Variants in LTBP1 observed in about 807,000 individuals in gnomAD.
The protein encoded by LTBP1 is latent transforming growth factor beta binding protein 1, also known as latent-transforming growth factor beta-binding protein 1.
LTBP1 carries 129 observed loss-of-function variants against 207.6 expected under a neutral mutation model. That is an observed-to-expected ratio of 0.62 (90% CI 0.54 to 0.72). LTBP1 has a LOEUF of 0.72. Among genes scored for constraint, LTBP1 ranks in the 30% least tolerant of loss-of-function variants. The probability of loss-of-function intolerance (pLI) is 0.00; values close to 1 mark genes in which losing one functional copy is unlikely to be tolerated. For missense variants in LTBP1, 2,281 were observed against 2,217.2 expected (o/e 1.03, Z -0.58); for synonymous variants, 963 against 833.7 (o/e 1.16, Z -2.67).
Position 33,397,114 on chromosome 2 carries a change from T to C in LTBP1, c.4835-19T>C. On this transcript the variant is annotated intron_variant, in intron 32 of 33. Coordinates refer to ENST00000404816, the MANE Select transcript of LTBP1 (RefSeq NM_206943.4). Reference sequence around the variant, plus strand: ...GAAGTTGAGAAGCTCTAACTTAGCTTCTGCCCTTTCCTTTCCAGGTTTTCT... The same window carrying C: ...GAAGTTGAGAAGCTCTAACTTAGCTCCTGCCCTTTCCTTTCCAGGTTTTCT... 1 of 1,611,282 alleles carries C rather than the reference T, an allele frequency of 6.2e-7. No homozygotes were observed. Among genetic ancestry groups the C allele is most frequent in the Non-Finnish European group, 8.5e-7 (1 of 1,178,130 alleles).
intron 4 of LTBP1, among the ~76,000 whole-genome samples, chr2:33,111,127 T>G (rs1205532162): frequency 6.6e-6 from 1 of 152,204 alleles, no homozygotes; most frequent in Non-Finnish European, 1.5e-5. Context: ...ACGTCTGAAA[T>G]GTCCTGCATA....
chr2:33,081,137 C>T (rs2078370440), intron 3 of LTBP1, among the ~76,000 whole-genome samples: 1 of 151,984 alleles, frequency 6.6e-6, no homozygotes, highest in Non-Finnish European at 1.5e-5. Flanking sequence ...AGCAAAGCCC[C>T]TTTGTTCAGT....
At chr2:33,312,415 T>C (rs1262732912) in intron 23 of LTBP1, among the ~76,000 whole-genome samples, 1 of 152,202 alleles carries the variant, frequency 6.6e-6, no homozygotes, top group Non-Finnish European at 1.5e-5. Context: ...GGAAATTCCA[T>C]GTTAATAGTC....
At chr2:33,037,168 C>G (rs975380700) in intron 3 of LTBP1, among the ~76,000 whole-genome samples, 1 of 147,228 alleles carries the variant, frequency 6.8e-6, no homozygotes, top group African/African-American at 2.5e-5. Context: ...CCCCCTGTCC[C>G]TCTCATAAAA....
At chr2:32,967,425 T>A (rs1012990076) in intron 2 of LTBP1, among the ~76,000 whole-genome samples, 1 of 152,140 alleles carries the variant, frequency 6.6e-6, no homozygotes, top group Non-Finnish European at 1.5e-5. Flanking sequence ...TAATTTTAGA[T>A]CTTTCTTATT....
intron 24 of LTBP1, among the ~76,000 whole-genome samples, chr2:33,318,332 C>T (rs901216675): frequency 1.3e-5 from 2 of 152,090 alleles, no homozygotes; most frequent in Admixed American, 1.3e-4. Flanking sequence ...GGTGGGTGGG[C>T]AGCTATTTGT....
At chr2:33,347,649 A>T (rs952363682) in intron 26 of LTBP1, 139 bp downstream of exon 26, 9 of 1,008,868 alleles carry the variant, frequency 8.9e-6, no homozygotes, top group Non-Finnish European at 1.3e-5. Flanking sequence ...GGAAGCTTCC[A>T]TGATCTTCTG....
At chr2:32,981,383 G>T (rs532430901) in intron 2 of LTBP1, among the ~76,000 whole-genome samples, 1 of 152,254 alleles carries the variant, frequency 6.6e-6, no homozygotes, top group East Asian at 1.9e-4. Context: ...CCAGTAAATT[G>T]TATTTCTATG....
chr2:32,994,841 A>G (rs1269259218), intron 2 of LTBP1, among the ~76,000 whole-genome samples: 1 of 152,216 alleles, frequency 6.6e-6, no homozygotes, highest in Non-Finnish European at 1.5e-5. Flanking sequence ...TTCTCAGGCT[A>G]CATCCCAAAC....
intron 22 of LTBP1, among the ~76,000 whole-genome samples, chr2:33,302,262 C>G (rs1469424008): frequency 6.6e-6 from 1 of 152,174 alleles, no homozygotes; most frequent in Non-Finnish European, 1.5e-5. Context: ...TCTCTGCATT[C>G]ATTGTCCACC....
chr2:33,103,054 T>G (rs1433919326), intron 3 of LTBP1, among the ~76,000 whole-genome samples: 1 of 152,164 alleles, frequency 6.6e-6, no homozygotes, highest in Non-Finnish European at 1.5e-5. Flanking sequence ...GTATGTTGTA[T>G]GCACTGTCTG....
intron 10 of LTBP1, 76 bp downstream of exon 10, chr2:33,243,860 A>G (rs1187273416): frequency 1.2e-5 from 19 of 1,522,902 alleles, no homozygotes; most frequent in Non-Finnish European, 9.0e-6. Flanking sequence ...GGAAATACTC[A>G]GTGGCCAACT....
intron 19 of LTBP1, among the ~76,000 whole-genome samples, chr2:33,280,937 G>A (rs758016224): frequency 6.6e-6 from 1 of 152,062 alleles, no homozygotes; most frequent in African/African-American, 2.4e-5. Flanking sequence ...GGGCTTCGTG[G>A]GGTGTGTGCC....
At chr2:33,377,578 T>C (rs2095156440) in intron 31 of LTBP1, among the ~76,000 whole-genome samples, 1 of 152,238 alleles carries the variant, frequency 6.6e-6, no homozygotes, top group Non-Finnish European at 1.5e-5. Context: ...AATTTCATTA[T>C]GATAATAATC....
At chr2:33,352,354 A>T (rs959565493) in intron 26 of LTBP1, among the ~76,000 whole-genome samples, 1 of 151,716 alleles carries the variant, frequency 6.6e-6, no homozygotes, top group Non-Finnish European at 1.5e-5. Flanking sequence ...CTGATCTCGA[A>T]CTCCTGACCT....
chr2:33,398,676 C>A lies in LTBP1; in HGVS notation c.*131C>A. On this transcript the variant is annotated 3_prime_UTR_variant, in exon 34 of 34. Transcript: ENST00000404816. ...ACAGAAACAGCATGGAATTGCAAGT[C>A]CTCTGAAGACAATGAGAGGATTTAG... 1 of 810,570 alleles carries A rather than the reference C, an allele frequency of 1.2e-6. No individual in the cohort carries two copies. Among genetic ancestry groups the A allele is most frequent in the Non-Finnish European group, 1.9e-6 (1 of 538,594 alleles). 50.2% of individuals were successfully genotyped at this position (810,570 alleles called of 1,614,324 possible).
At chr2:33,350,989 T>C (rs1193979733) in intron 26 of LTBP1, among the ~76,000 whole-genome samples, 1 of 152,132 alleles carries the variant, frequency 6.6e-6, no homozygotes, top group Non-Finnish European at 1.5e-5. Flanking sequence ...GAAAAATATA[T>C]ATATATTATA....
intron 13 of LTBP1, among the ~76,000 whole-genome samples, chr2:33,261,073 C>T (rs2092996595): frequency 6.6e-6 from 1 of 152,096 alleles, no homozygotes; most frequent in Non-Finnish European, 1.5e-5. Flanking sequence ...GAGGGGACAG[C>T]AAGGGTCATG....
At position 33,241,346 on chromosome 2, in the gene LTBP1, G is replaced by C. The variant is rs571195667; in HGVS notation, c.1877-2316G>C. 3.9e-5 allele frequency among the ~76,000 whole-genome samples: 6 copies of C among 152,306 alleles called. No homozygotes were observed. The East Asian group carries it at 1.2e-3, about 29-fold the overall frequency. Reference sequence around the variant, plus strand: ...CTGTCTATACCTGATAGGTTTGCTTGGTCATTTTGTTTGTTTTCTTCCGTC... The same window carrying C: ...CTGTCTATACCTGATAGGTTTGCTTCGTCATTTTGTTTGTTTTCTTCCGTC... On this transcript the variant is annotated intron_variant, in intron 9 of 33. Coordinates refer to ENST00000404816, the MANE Select transcript of LTBP1 (RefSeq NM_206943.4).
Sources: gnomAD v4.1 joint callset for allele counts (sites outside exome capture counted in the v4.1 genomes callset) on GRCh38, gnomAD v4.1.1 for gene constraint, MANE v1.5 for transcripts, NCBI Gene and HGNC (gene_info 2026-07-23, HGNC 2026-07-21) for gene names.